CCDC60: variants seen among roughly 807,000 people sequenced by gnomAD.
The protein encoded by CCDC60 is coiled-coil domain-containing protein 60.
A neutral mutation model predicts 63.5 loss-of-function variants in CCDC60; 54 were observed. That is an observed-to-expected ratio of 0.85 (90% confidence interval 0.68 to 1.07). CCDC60 has a LOEUF of 1.07. Ranked by LOEUF, CCDC60 falls within the 50% of genes least tolerant of loss-of-function variation. The pLI, the probability that CCDC60 is intolerant of heterozygous loss-of-function variation, is 0.00. For missense variants in CCDC60, 651 were observed against 684.3 expected, an observed-to-expected ratio of 0.95 and a Z score of 0.54; for synonymous variants, 206 against 238.8, an observed-to-expected ratio of 0.86 and a Z score of 1.27.
intron 3 of CCDC60, among the ~76,000 whole-genome samples, chr12:119,477,933 G>C (rs498592): frequency 0.013 from 1,941 of 152,164 alleles, 48 homozygotes; most frequent in African/African-American, 0.045. Flanking sequence ...CAGAGAGAGA[G>C]AGGAGAGAGA....
chr12:119,448,992 G>A (rs1159710056), intron 2 of CCDC60, among the ~76,000 whole-genome samples: 1 of 152,226 alleles, frequency 6.6e-6, no homozygotes, highest in African/African-American at 2.4e-5. Flanking sequence ...AGGCGGTGGG[G>A]ATTGCAGCCT....
At chr12:119,503,717 A>G (rs1951916389) in intron 6 of CCDC60, among the ~76,000 whole-genome samples, 1 of 152,162 alleles carries the variant, frequency 6.6e-6, no homozygotes, top group South Asian at 2.1e-4. Context: ...TTCCACCCAT[A>G]GTCAGTGCCC....
chr12:119,351,275 A>G (rs1349673876), intron 1 of CCDC60, among the ~76,000 whole-genome samples: 1 of 152,232 alleles, frequency 6.6e-6, no homozygotes, highest in Non-Finnish European at 1.5e-5. Flanking sequence ...ATTCTCCCAT[A>G]GCTACCTTGA....
intron 1 of CCDC60, among the ~76,000 whole-genome samples, chr12:119,376,453 C>T (rs533115870): frequency 2.0e-5 from 3 of 152,052 alleles, no homozygotes; most frequent in African/African-American, 7.2e-5. Context: ...CATGGTGAAA[C>T]CCCGTCTCTA....
intron 4 of CCDC60, among the ~76,000 whole-genome samples, chr12:119,484,070 C>T (rs543154315): frequency 1.6e-4 from 24 of 152,138 alleles, no homozygotes; most frequent in Middle Eastern, 6.8e-3. Context: ...GGAGTCTCTA[C>T]CCTGTAACAA....
At chr12:119,511,014 G>T (rs1952203139) in intron 7 of CCDC60, among the ~76,000 whole-genome samples, 1 of 152,154 alleles carries the variant, frequency 6.6e-6, no homozygotes, top group South Asian at 2.1e-4. Flanking sequence ...GAAAAGGAAT[G>T]TGAGCTCCCC....
chr12:119,507,614 A>ACATATATATATATATATATATATATT (rs1952085701), intron 7 of CCDC60, among the ~76,000 whole-genome samples: 4 of 50,498 alleles, frequency 7.9e-5, no homozygotes, highest in Non-Finnish European at 1.3e-4. Context: ...ATATATATAT[A>ACATATATATATATATATATATATATT]TTTTTTTTTT....
chr12:119,467,910 A>G (rs17482376), intron 2 of CCDC60, among the ~76,000 whole-genome samples: 6,087 of 152,292 alleles, frequency 0.04, 163 homozygotes, highest in Non-Finnish European at 0.06. Context: ...TGAAAGCAAA[A>G]TGGAAGCATA....
At chr12:119,501,899 A>G (rs1217210065) in intron 6 of CCDC60, among the ~76,000 whole-genome samples, 1 of 152,196 alleles carries the variant, frequency 6.6e-6, no homozygotes, top group Non-Finnish European at 1.5e-5. Flanking sequence ...TGGCTCAGCC[A>G]TGCTGACTCA....
At chr12:119,361,197 A>ATGAGAG in intron 1 of CCDC60, among the ~76,000 whole-genome samples, 1 of 54,520 alleles carries the variant, frequency 1.8e-5, no homozygotes, top group Non-Finnish European at 3.4e-5. Flanking sequence ...GGAGAGGGAG[A>ATGAGAG]CGAGAGGGAG....
intron 7 of CCDC60, among the ~76,000 whole-genome samples, chr12:119,515,117 G>A (rs1323199831): frequency 4.6e-5 from 7 of 152,172 alleles, no homozygotes; most frequent in African/African-American, 1.2e-4. Flanking sequence ...TGACAAAATC[G>A]CCTAATGATG....
At chr12:119,485,722 A>G (rs1366651290) in intron 4 of CCDC60, among the ~76,000 whole-genome samples, 9 of 152,302 alleles carry the variant, frequency 5.9e-5, no homozygotes, top group South Asian at 2.1e-4. Flanking sequence ...TAAAGGTCCC[A>G]TCTCCTAACA....
intron 1 of CCDC60, among the ~76,000 whole-genome samples, chr12:119,389,957 G>A (rs1956127939): frequency 6.6e-6 from 1 of 152,206 alleles, no homozygotes; most frequent in Non-Finnish European, 1.5e-5. Flanking sequence ...CCTGGTCAGT[G>A]TGTGGCCACA....
chr12:119,437,269 G>A (rs1020500445), intron 2 of CCDC60, among the ~76,000 whole-genome samples: 1 of 152,070 alleles, frequency 6.6e-6, no homozygotes, highest in African/African-American at 2.4e-5. Flanking sequence ...ATGCAAGTTC[G>A]ATGACAGTCA....
intron 2 of CCDC60, among the ~76,000 whole-genome samples, chr12:119,450,050 G>A (rs2136280305): frequency 6.6e-6 from 1 of 152,176 alleles, no homozygotes; most frequent in Non-Finnish European, 1.5e-5. Context: ...ACAGATGATT[G>A]GACCAAGAAA....
chr12:119,404,204 C>A (rs1956443762), intron 1 of CCDC60, among the ~76,000 whole-genome samples: 2 of 152,208 alleles, frequency 1.3e-5, no homozygotes, highest in Non-Finnish European at 2.9e-5. Flanking sequence ...GCAGGAGAAT[C>A]ACTTGAACCC....
intron 1 of CCDC60, among the ~76,000 whole-genome samples, chr12:119,375,066 A>G (rs2136179845): frequency 6.6e-6 from 1 of 152,240 alleles, no homozygotes. Flanking sequence ...TTCTGTGACT[A>G]GGAATGCCTA....
intron 1 of CCDC60, among the ~76,000 whole-genome samples, chr12:119,398,587 TC>T (rs761296071): frequency 6.6e-6 from 1 of 152,220 alleles, no homozygotes; most frequent in Non-Finnish European, 1.5e-5. Context: ...TTGTCACCTC[TC>T]AGCACCACTG....
At chr12:119,394,232 T>C (rs1345685425) in intron 1 of CCDC60, among the ~76,000 whole-genome samples, 1 of 152,218 alleles carries the variant, frequency 6.6e-6, no homozygotes, top group South Asian at 2.1e-4. Flanking sequence ...ATAAAGGACT[T>C]GTCCAAGGTC....
Sources: gnomAD v4.1 joint callset for allele counts (sites outside exome capture counted in the v4.1 genomes callset) on GRCh38, gnomAD v4.1.1 for gene constraint, MANE v1.5 for transcripts, NCBI Gene and HGNC (gene_info 2026-07-23, HGNC 2026-07-21) for gene names.